The following IQCM variants were observed in gnomAD, a reference collection of about 807,000 sequenced individuals.
The protein encoded by IQCM is IQ motif containing M, also known as IQ domain-containing protein M.
A neutral mutation model predicts 57.6 loss-of-function variants in IQCM; 45 were observed. The ratio of observed to expected loss-of-function variants is 0.78; its 90% confidence interval spans 0.62 to 1.00. The LOEUF (loss-of-function observed/expected upper bound fraction) is 1.00. Among genes scored for constraint, IQCM ranks in the 50% least tolerant of loss-of-function variants. The probability of loss-of-function intolerance (pLI) is 0.00; values close to 1 mark genes in which losing one functional copy is unlikely to be tolerated. For synonymous variants in IQCM, 148 were observed against 158.9 expected, an observed-to-expected ratio of 0.93 and a Z score of 0.51; for missense variants, 468 against 511.6, an observed-to-expected ratio of 0.91 and a Z score of 0.82.
chr4:149,373,458 T>C (rs1730500363), intron 13 of IQCM, among the ~76,000 whole-genome samples: 1 of 152,120 alleles, frequency 6.6e-6, no homozygotes, highest in South Asian at 2.1e-4. Flanking sequence ...ACTATCATAG[T>C]TCTCATTTTA....
At chr4:149,400,642 C>T (rs181634981) in intron 13 of IQCM, among the ~76,000 whole-genome samples, 1 of 151,862 alleles carries the variant, frequency 6.6e-6, no homozygotes, top group East Asian at 1.9e-4. Flanking sequence ...TACCACCAGC[C>T]CTTCTGTATA....
At chr4:149,448,133 ACT>A (rs946360736) in intron 12 of IQCM, among the ~76,000 whole-genome samples, 1 of 151,516 alleles carries the variant, frequency 6.6e-6, no homozygotes, top group Non-Finnish European at 1.5e-5. Flanking sequence ...TGCATTAAAA[ACT>A]CTCAATAAAT....
At chr4:149,699,303 TC>T (rs1763578369) in intron 5 of IQCM, among the ~76,000 whole-genome samples, 1 of 151,980 alleles carries the variant, frequency 6.6e-6, no homozygotes, top group Non-Finnish European at 1.5e-5. Flanking sequence ...TATACACTCT[TC>T]CCCAAAAAAG....
chr4:149,508,694 C>G (rs1472247172), intron 12 of IQCM, among the ~76,000 whole-genome samples: 5 of 152,134 alleles, frequency 3.3e-5, no homozygotes, highest in African/African-American at 9.7e-5. Flanking sequence ...GGACTATGGA[C>G]TTTTGAGTTA....
At chr4:149,731,708 G>A (rs1011641560) in intron 5 of IQCM, among the ~76,000 whole-genome samples, 2 of 152,012 alleles carry the variant, frequency 1.3e-5, no homozygotes, top group South Asian at 2.1e-4. Flanking sequence ...GACATTAACT[G>A]GTATAATGTG....
intron 5 of IQCM, among the ~76,000 whole-genome samples, chr4:149,725,957 C>T (rs1228838407): frequency 6.6e-6 from 1 of 152,026 alleles, no homozygotes; most frequent in East Asian, 1.9e-4. Context: ...TTCAGCAGCT[C>T]TCTCAACGAA....
intron 2 of IQCM, among the ~76,000 whole-genome samples, chr4:149,809,273 A>C (rs1412415443): frequency 6.6e-6 from 1 of 152,030 alleles, no homozygotes; most frequent in Non-Finnish European, 1.5e-5. Context: ...AAGAAAAAAA[A>C]AACAGTTGAA....
At chr4:149,416,644 T>C (rs1733769747) in intron 13 of IQCM, among the ~76,000 whole-genome samples, 3 of 152,080 alleles carry the variant, frequency 2.0e-5, no homozygotes, top group South Asian at 2.1e-4. Flanking sequence ...TAGGTGGCCA[T>C]AGTTCTTGAG....
intron 12 of IQCM, among the ~76,000 whole-genome samples, chr4:149,529,603 A>G (rs768150603): frequency 3.3e-5 from 5 of 152,152 alleles, no homozygotes; most frequent in Non-Finnish European, 5.9e-5. Context: ...AAAGTCTACA[A>G]CTCTACAGAG....
chr4:149,424,901 T>C (rs566621131), intron 13 of IQCM, among the ~76,000 whole-genome samples: 1 of 152,018 alleles, frequency 6.6e-6, no homozygotes, highest in Non-Finnish European at 1.5e-5. Flanking sequence ...ATATACTGAT[T>C]ATAATTTAAT....
At chr4:149,475,571 G>A (rs1740095946) in intron 12 of IQCM, among the ~76,000 whole-genome samples, 1 of 151,990 alleles carries the variant, frequency 6.6e-6, no homozygotes, top group Non-Finnish European at 1.5e-5. Flanking sequence ...TCACCATGGG[G>A]GCAGTAGAAA....
intron 6 of IQCM, among the ~76,000 whole-genome samples, chr4:149,683,868 CTATCATTATTT>C (rs945333865): frequency 4.0e-5 from 6 of 151,192 alleles, no homozygotes; most frequent in Admixed American, 1.3e-4. Flanking sequence ...AGGAGGGATT[CTATCATTATTT>C]TATAATATCC....
At chr4:149,770,062 G>A (rs1227933752) in intron 2 of IQCM, among the ~76,000 whole-genome samples, 2 of 147,378 alleles carry the variant, frequency 1.4e-5, no homozygotes, top group Non-Finnish European at 3.1e-5. Flanking sequence ...TCATTCTTTA[G>A]AAAATCAATA....
chr4:149,437,633 A>C (rs986911316), intron 12 of IQCM, among the ~76,000 whole-genome samples: 7 of 152,012 alleles, frequency 4.6e-5, no homozygotes, highest in Non-Finnish European at 8.8e-5. Context: ...CCTCCTGCAG[A>C]GCCTGGAGTA....
chr4:149,354,982 T>C (rs1348431151), intron 13 of IQCM, among the ~76,000 whole-genome samples: 1 of 152,102 alleles, frequency 6.6e-6, no homozygotes, highest in Non-Finnish European at 1.5e-5. Context: ...CCAATATTTC[T>C]GTAAAAGTAG....
intron 2 of IQCM, among the ~76,000 whole-genome samples, chr4:149,745,369 C>T (rs942067065): frequency 6.6e-6 from 1 of 152,168 alleles, no homozygotes; most frequent in African/African-American, 2.4e-5. Flanking sequence ...TTCCTCTCTG[C>T]AACAAGCCTT....
intron 13 of IQCM, among the ~76,000 whole-genome samples, chr4:149,394,785 G>T (rs1732111749): frequency 6.6e-6 from 1 of 151,984 alleles, no homozygotes; most frequent in Non-Finnish European, 1.5e-5. Flanking sequence ...AGAGTTAAAA[G>T]ATTTACTATA....
rs189338671 is a variant in IQCM at position 149,717,127 on chromosome 4, C to G, written c.385+16117G>C. Among the ~76,000 whole-genome samples the G allele has an allele frequency of 1.5e-3, 226 of 152,314 alleles. 1 individual carries two copies. Among genetic ancestry groups the G allele is most frequent in the Admixed American group, 2.5e-3 (38 of 15,300 alleles). On this transcript the variant is annotated intron_variant, in intron 5 of 13. Coordinates refer to ENST00000636793, the MANE Select transcript of IQCM (RefSeq NM_001363507.2). ...CTTAGGTAAGGTGTTTCCCTGCATT[C>G]TGTGAGCTGAGAAAATTCATCAAAC...
intron 11 of IQCM, among the ~76,000 whole-genome samples, chr4:149,549,147 A>C (rs1160471548): frequency 6.6e-6 from 1 of 152,160 alleles, no homozygotes; most frequent in African/African-American, 2.4e-5. Flanking sequence ...CAAGACTACC[A>C]CAGAAAACCA....
Sources: allele counts gnomAD v4.1 joint callset (sites outside exome capture counted in the v4.1 genomes callset), GRCh38; gene constraint gnomAD v4.1.1; transcripts MANE v1.5; gene names NCBI Gene and HGNC (gene_info 2026-07-23, HGNC 2026-07-21).